AFG2A: variants seen among roughly 807,000 people sequenced by gnomAD.
AFG2A encodes the protein AAA ATPase AFG2A, also known as ATPase family gene 2 protein homolog A.
chr4:123,028,403 G>A, the AFG2A span: 26 of 1,613,104 alleles, frequency 1.6e-5, no homozygotes, highest in Non-Finnish European at 2.2e-5. Context: ...AAGGTAGGGT[G>A]TTAAATTTTT....
At chr4:122,969,167 T>C in the AFG2A span, among the ~76,000 whole-genome samples, 2 of 151,698 alleles carry the variant, frequency 1.3e-5, no homozygotes, top group Non-Finnish European at 2.9e-5. Flanking sequence ...ATCAGTCTTT[T>C]TCTTCGTGGC....
chr4:123,174,828 T>A, the AFG2A span, among the ~76,000 whole-genome samples: 22,227 of 112,210 alleles, frequency 0.2, 3,602 homozygotes, highest in African/African-American at 0.42. Context: ...TTAAAAAAAA[T>A]ATATATATAT....
chr4:123,155,681 A>T, the AFG2A span, among the ~76,000 whole-genome samples: 1 of 152,196 alleles, frequency 6.6e-6, no homozygotes, highest in Non-Finnish European at 1.5e-5. Context: ...TCTAGAAATG[A>T]TTTAAAGTAT....
At chr4:122,944,131 G>A in the AFG2A span, among the ~76,000 whole-genome samples, 66,068 of 151,978 alleles carry the variant, frequency 0.43, 17,042 homozygotes, top group Non-Finnish European at 0.57. Context: ...TGCTCTTCTC[G>A]AGGAGTATCT....
the AFG2A span, among the ~76,000 whole-genome samples, chr4:123,192,896 G>A: frequency 3.3e-5 from 5 of 152,170 alleles, no homozygotes; most frequent in Non-Finnish European, 7.3e-5. Context: ...CATATTCAGC[G>A]TTAACTTTAA....
the AFG2A span, among the ~76,000 whole-genome samples, chr4:123,268,002 G>A: frequency 0.066 from 10,080 of 151,940 alleles, 606 homozygotes; most frequent in African/African-American, 0.16. Flanking sequence ...AAGAGTGTAT[G>A]TTGTCTTTCT....
At chr4:123,028,364 A>G in the AFG2A span, 7 of 1,614,054 alleles carry the variant, frequency 4.3e-6, no homozygotes, top group Non-Finnish European at 5.9e-6. Flanking sequence ...GCTTTGGCCA[A>G]TGAGAGTGGA....
the AFG2A span, among the ~76,000 whole-genome samples, chr4:123,058,962 A>G: frequency 6.6e-6 from 1 of 152,224 alleles, no homozygotes; most frequent in Admixed American, 6.5e-5. Flanking sequence ...CCTTCCACCT[A>G]TGAGCCTATA....
At chr4:123,114,380 C>A in the AFG2A span, among the ~76,000 whole-genome samples, 2 of 152,308 alleles carry the variant, frequency 1.3e-5, no homozygotes, top group East Asian at 3.9e-4. Flanking sequence ...CTGCCCATCA[C>A]ACCCAGGCTG....
At chr4:122,933,422 T>C in the AFG2A span, 1 of 1,608,604 alleles carries the variant, frequency 6.2e-7, no homozygotes, top group Non-Finnish European at 8.5e-7. Flanking sequence ...TTCTGTTCCC[T>C]TCTTATCCTT....
chr4:123,298,472 T>C, the AFG2A span, among the ~76,000 whole-genome samples: 1 of 152,214 alleles, frequency 6.6e-6, no homozygotes. Flanking sequence ...TTCCTCCTTT[T>C]GGATTCAAAT....
chr4:123,197,507 C>T, the AFG2A span, among the ~76,000 whole-genome samples: 1 of 152,160 alleles, frequency 6.6e-6, no homozygotes, highest in Non-Finnish European at 1.5e-5. Context: ...CAGTGGCTCA[C>T]GCCTGTAATC....
the AFG2A span, among the ~76,000 whole-genome samples, chr4:122,936,618 G>A: frequency 6.6e-6 from 1 of 152,196 alleles, no homozygotes; most frequent in Non-Finnish European, 1.5e-5. Flanking sequence ...GCCAAGGCAG[G>A]AGGATTGCTT....
the AFG2A span, among the ~76,000 whole-genome samples, chr4:123,080,410 G>A: frequency 6.6e-6 from 1 of 152,206 alleles, no homozygotes; most frequent in African/African-American, 2.4e-5. Context: ...ACCAGAATGT[G>A]AGAAAATAAT....
At chr4:123,034,827 G>T in the AFG2A span, among the ~76,000 whole-genome samples, 3 of 152,148 alleles carry the variant, frequency 2.0e-5, no homozygotes, top group African/African-American at 7.2e-5. Flanking sequence ...TTTGAGGTCA[G>T]TATAATAGAT....
chr4:123,203,763 A>G, the AFG2A span, among the ~76,000 whole-genome samples: 1 of 152,230 alleles, frequency 6.6e-6, no homozygotes, highest in African/African-American at 2.4e-5. Flanking sequence ...AATAAAGAGT[A>G]CAATTGTTGA....
the AFG2A span, among the ~76,000 whole-genome samples, chr4:123,225,276 G>A: frequency 6.6e-6 from 1 of 152,172 alleles, no homozygotes; most frequent in South Asian, 2.1e-4. Flanking sequence ...TAGACATGAA[G>A]TTCTTGCACA....
the AFG2A span, among the ~76,000 whole-genome samples, chr4:123,297,127 C>CA: frequency 2.2e-4 from 34 of 152,228 alleles, no homozygotes; most frequent in African/African-American, 7.0e-4. Context: ...CCCCTACCCA[C>CA]AAAAAAAGTT....
the AFG2A span, among the ~76,000 whole-genome samples, chr4:122,966,021 C>T: frequency 1.3e-5 from 2 of 152,134 alleles, no homozygotes; most frequent in Non-Finnish European, 2.9e-5. Flanking sequence ...TAATGGCAGA[C>T]CTAGAGCCAT....
Sources: allele counts gnomAD v4.1 joint callset (sites outside exome capture counted in the v4.1 genomes callset), GRCh38; gene constraint gnomAD v4.1.1; transcripts MANE v1.5; gene names NCBI Gene and HGNC (gene_info 2026-07-23, HGNC 2026-07-21).